NHERF2: variants seen among roughly 807,000 people sequenced by gnomAD.
NHERF2 encodes Na(+)/H(+) exchange regulatory cofactor NHE-RF2.
At chr16:2,037,675 C>G in the NHERF2 span, 6 of 1,569,102 alleles carry the variant, frequency 3.8e-6, no homozygotes, top group Admixed American at 1.1e-4. Flanking sequence ...GTGGAGATGT[C>G]AGCCCGGGCA....
chr16:2,036,311 G>C, the NHERF2 span: 26,669 of 1,598,202 alleles, frequency 0.017, 306 homozygotes, highest in South Asian at 0.02. Context: ...GACCCTGTCC[G>C]TTGGGCCTGC....
chr16:2,032,556 AGGAT>A, the NHERF2 span, among the ~76,000 whole-genome samples: 3 of 152,236 alleles, frequency 2.0e-5, no homozygotes, highest in African/African-American at 7.2e-5. The surrounding 1 kb of genome is among the most constrained non-coding windows in gnomAD (Gnocchi z 4.0). Context: ...TCTTTGGTGA[AGGAT>A]GGAGAGGGCC....
At chr16:2,035,388 C>T in the NHERF2 span, 7 of 985,874 alleles carry the variant, frequency 7.1e-6, no homozygotes, top group South Asian at 3.3e-4. Context: ...CATGCCGCCC[C>T]AGCCCTGGCC....
the NHERF2 span, chr16:2,036,612 C>T: frequency 2.6e-5 from 39 of 1,525,298 alleles, no homozygotes; most frequent in Middle Eastern, 2.1e-4. Context: ...AGCTGGTGCG[C>T]CTCCTGCTGC....
At chr16:2,038,210 A>G in the NHERF2 span, 5 of 597,184 alleles carry the variant, frequency 8.4e-6, no homozygotes, top group Non-Finnish European at 1.5e-5. Flanking sequence ...AGAGAGAGTC[A>G]GAGACAGAGA....
chr16:2,032,278 C>G, the NHERF2 span, among the ~76,000 whole-genome samples: 17 of 152,216 alleles, frequency 1.1e-4, no homozygotes, highest in African/African-American at 4.1e-4. The surrounding 1 kb of genome is among the most constrained non-coding windows in gnomAD (Gnocchi z 4.0). Context: ...CCTCAGCCTC[C>G]CAAAGTGCTG....
chr16:2,027,114 C>T, the NHERF2 span: 1 of 1,467,552 alleles, frequency 6.8e-7, no homozygotes, highest in Non-Finnish European at 9.0e-7. Flanking sequence ...GCAGTTCATC[C>T]GGCGCGTGGA....
At chr16:2,029,417 A>G in the NHERF2 span, 2 of 590,278 alleles carry the variant, frequency 3.4e-6, no homozygotes, top group Admixed American at 6.2e-5. Flanking sequence ...GAGCCGCTGG[A>G]GTCCGGGGGT....
chr16:2,038,237 G>GAGAC, the NHERF2 span: 72 of 579,922 alleles, frequency 1.2e-4, no homozygotes, highest in African/African-American at 1.1e-3. Context: ...GAGAGAGAGA[G>GAGAC]AGACACAGAG....
the NHERF2 span, chr16:2,032,981 T>G: frequency 8.9e-7 from 1 of 1,127,502 alleles, no homozygotes; most frequent in Non-Finnish European, 1.1e-6. The surrounding 1 kb of genome is among the most constrained non-coding windows in gnomAD (Gnocchi z 4.0). Context: ...CTGCGGGGGC[T>G]TCCGGGCTTC....
chr16:2,032,791 C>A, the NHERF2 span: 1 of 996,720 alleles, frequency 1.0e-6, no homozygotes, highest in Non-Finnish European at 1.2e-6. The surrounding 1 kb of genome is among the most constrained non-coding windows in gnomAD (Gnocchi z 4.0). Flanking sequence ...GGGGACAGCC[C>A]CCAAACAGAG....
the NHERF2 span, among the ~76,000 whole-genome samples, chr16:2,032,237 C>T: frequency 6.6e-6 from 1 of 152,168 alleles, no homozygotes; most frequent in East Asian, 1.9e-4. This position sits in a 1 kb window ranked among gnomAD's most constrained non-coding sequence, Gnocchi z 4.0. Flanking sequence ...CCAGGCTGGT[C>T]TCAAACTCTT....
chr16:2,029,489 C>G, the NHERF2 span: 5 of 1,227,194 alleles, frequency 4.1e-6, no homozygotes, highest in South Asian at 6.8e-5. Flanking sequence ...AGCCGCCTGT[C>G]CGCACGCCTG....
the NHERF2 span, among the ~76,000 whole-genome samples, chr16:2,031,473 C>T: frequency 6.6e-6 from 1 of 152,230 alleles, no homozygotes; most frequent in Non-Finnish European, 1.5e-5. Context: ...GTGGAAAAAT[C>T]CGGCCCTCGG....
chr16:2,036,404 G>A, the NHERF2 span: 1 of 1,609,732 alleles, frequency 6.2e-7, no homozygotes, highest in South Asian at 1.1e-5. Context: ...GGTTCAACCT[G>A]CATAGTGACA....
At chr16:2,032,680 T>C in the NHERF2 span, 8 of 350,208 alleles carry the variant, frequency 2.3e-5, no homozygotes, top group Non-Finnish European at 3.2e-5. The surrounding 1 kb of genome is among the most constrained non-coding windows in gnomAD (Gnocchi z 4.0). Flanking sequence ...GCCCCTCCTT[T>C]TGGGGGCCGT....
At chr16:2,035,728 G>A in the NHERF2 span, 3 of 971,264 alleles carry the variant, frequency 3.1e-6, no homozygotes, top group Non-Finnish European at 3.7e-6. Context: ...GGTAGCGGGG[G>A]GTCCTTCCGG....
chr16:2,035,595 C>T, the NHERF2 span: 67 of 986,638 alleles, frequency 6.8e-5, no homozygotes, highest in Middle Eastern at 1.0e-3. Context: ...TGGCCACCGC[C>T]GCCGCACCCT....
chr16:2,035,646 T>A, the NHERF2 span: 2 of 985,896 alleles, frequency 2.0e-6, no homozygotes, highest in Non-Finnish European at 2.4e-6. Context: ...GGGCCTGGCC[T>A]TGCCTGCATG....
Sources: gnomAD v4.1 joint callset for allele counts (sites outside exome capture counted in the v4.1 genomes callset) on GRCh38, gnomAD v4.1.1 for gene constraint, Gnocchi (gnomAD v3.1) non-coding constraint, MANE v1.5 for transcripts, NCBI Gene and HGNC (gene_info 2026-07-23, HGNC 2026-07-21) for gene names.